Variants in FBXO25 observed in about 807,000 individuals in gnomAD.
FBXO25 encodes the protein F-box protein 25, also known as F-box only protein 25.
FBXO25 carries 45 observed loss-of-function variants against 51.9 expected under a neutral mutation model. The observed-to-expected ratio is 0.87, with a 90% CI of 0.68 to 1.11. FBXO25 has a LOEUF of 1.11. FBXO25 is among the 50% of genes most tolerant of loss of function. The pLI is 0.00. For missense variants in FBXO25, 507 were observed against 428.5 expected, an observed-to-expected ratio of 1.18 and a Z score of -1.62; for synonymous variants, 199 against 151.0, an observed-to-expected ratio of 1.32 and a Z score of -2.33.
In FBXO25 at chr8:428,498, C is replaced by G. The variant is rs138509465; in HGVS notation, c.135-2843C>G. Among the ~76,000 whole-genome samples the G allele has an allele frequency of 4.0e-3, 613 of 151,784 alleles. 6 individuals carry two copies. Among genetic ancestry groups the G allele is most frequent in the African/African-American group, 0.014 (589 of 41,340 alleles). The stretch of plus-strand genomic sequence containing the variant: ...AACAAGACAAGCTGCTACTTCCTCT[C>G]CTCTCTTGCACACTGTCTCTTTATC... On this transcript the variant is annotated intron_variant, in intron 2 of 9. Coordinates refer to ENST00000350302, the MANE Select transcript of FBXO25 (RefSeq NM_183420.2).
At chr8:462,135 T>G (rs1315937165) in intron 8 of FBXO25, among the ~76,000 whole-genome samples, 1 of 152,182 alleles carries the variant, frequency 6.6e-6, no homozygotes, top group Non-Finnish European at 1.5e-5. Flanking sequence ...GTCTCTTGAT[T>G]CTCCACCCCT....
intron 8 of FBXO25, among the ~76,000 whole-genome samples, chr8:459,059 A>T (rs1799638844): frequency 6.6e-6 from 1 of 152,102 alleles, no homozygotes; most frequent in Non-Finnish European, 1.5e-5. Flanking sequence ...TCACTCCTTG[A>T]GGCCTTTGCA....
chr8:422,172 T>C (rs1352087931), intron 2 of FBXO25, among the ~76,000 whole-genome samples: 1 of 152,156 alleles, frequency 6.6e-6, no homozygotes, highest in African/African-American at 2.4e-5. Flanking sequence ...TAGCTATTCA[T>C]TACAAAGGGA....
chr8:445,961 A>G (rs1798712941), intron 5 of FBXO25, among the ~76,000 whole-genome samples: 1 of 152,132 alleles, frequency 6.6e-6, no homozygotes, highest in African/African-American at 2.4e-5. Context: ...ATTATTCCTC[A>G]TCTCTGCTCC....
At chr8:431,875 C>G (rs1797838640) in intron 3 of FBXO25, among the ~76,000 whole-genome samples, 1 of 152,074 alleles carries the variant, frequency 6.6e-6, no homozygotes, top group South Asian at 2.1e-4. Context: ...GCATAGAGCT[C>G]TATCATGCAG....
rs1366265595 is a variant in FBXO25 at position 474,459 on chromosome 8, C to T, written c.*5655C>T. The T allele has an allele frequency of 9.8e-6, 3 of 307,184 alleles. No homozygotes were observed. Among genetic ancestry groups the T allele is most frequent in the Middle Eastern group, 1.1e-3 (1 of 880 alleles). 19.0% of individuals were successfully genotyped at this position (307,184 alleles called of 1,614,324 possible). ...CATATGGCAATCCTATGTTTAATTT[C>T]TTAGGGCACTGCCATAAGTGTTTTA... On this transcript the variant is annotated 3_prime_UTR_variant, in exon 10 of 10. Coordinates refer to ENST00000350302, the MANE Select transcript of FBXO25 (RefSeq NM_183420.2).
Position 474,710 on chromosome 8 carries a change from A to T in FBXO25, c.*5906A>T, listed in dbSNP as rs751456131. The T allele has an allele frequency of 4.4e-6, 2 of 454,766 alleles. No homozygotes were observed. The highest frequency in any genetic ancestry group is 4.0e-5 in the African/African-American group (2 of 49,924). The allele number at this position is 454,766 out of a possible 1,614,324, so 28.2% of individuals were successfully genotyped here. On this transcript the variant is annotated 3_prime_UTR_variant, in exon 10 of 10. Transcript: ENST00000350302. The stretch of plus-strand genomic sequence containing the variant: ...ATTTGGGCTCTTTGTCCATTTTTCA[A>T]TCAGGTGTGTGTTTTTATATGTTCT...
chr8:408,164 A>T (rs370935303), intron 1 of FBXO25, among the ~76,000 whole-genome samples: 4 of 152,200 alleles, frequency 2.6e-5, no homozygotes, highest in African/African-American at 9.6e-5. Context: ...TCCTTTCTGG[A>T]TCAAATTTGT....
rs1422733916 is a variant in FBXO25 at position 475,658 on chromosome 8, C to T, written c.*6854C>T. The T allele has an allele frequency of 6.6e-6, 1 of 152,070 alleles. No individual in the cohort carries two copies. Among genetic ancestry groups the T allele is most frequent in the Non-Finnish European group, 1.5e-5 (1 of 67,986 alleles). 9.4% of individuals were successfully genotyped at this position (152,070 alleles called of 1,614,324 possible). A position where few individuals can be genotyped will look rare whatever the true frequency, so the allele number is the denominator to read the frequency against. The stretch of plus-strand genomic sequence containing the variant: ...TCCTTAAGTTTATTCCTAAATATTT[C>T]AGTTTTTTTGTTACTATTATAATGG... On this transcript the variant is annotated 3_prime_UTR_variant, in exon 10 of 10. Transcript: ENST00000350302.
At chr8:468,643 C>T in intron 9 of FBXO25, 72 bp from the exon 10 acceptor site, 1 of 1,171,374 alleles carries the variant, frequency 8.5e-7, no homozygotes, top group Non-Finnish European at 1.3e-6. Flanking sequence ...CAGCTGACGA[C>T]CCCTCAAGCA....
At chr8:464,283 A>T (rs1197786971) in intron 9 of FBXO25, among the ~76,000 whole-genome samples, 1 of 152,178 alleles carries the variant, frequency 6.6e-6, no homozygotes, top group African/African-American at 2.4e-5. Context: ...TAACATGTTA[A>T]TATTATTTCA....
At chr8:423,961 T>G (rs1445553892) in intron 2 of FBXO25, among the ~76,000 whole-genome samples, 1 of 152,268 alleles carries the variant, frequency 6.6e-6, no homozygotes, top group African/African-American at 2.4e-5. Context: ...ATCTGTTGTC[T>G]TTGACTTTTT....
intron 5 of FBXO25, among the ~76,000 whole-genome samples, chr8:447,285 G>C (rs1585067576): frequency 6.6e-6 from 1 of 152,068 alleles, no homozygotes; most frequent in African/African-American, 2.4e-5. Context: ...GGAGAGAGTG[G>C]TGGAACTGGG....
rs1800578590 is a variant in FBXO25 at position 474,304 on chromosome 8, C to G, written c.*5500C>G. 1.6e-5 allele frequency: 3 copies of G among 184,482 alleles called. No individual in the cohort carries two copies. The highest frequency in any genetic ancestry group is 3.3e-5 in the Non-Finnish European group (3 of 89,924). 11.4% of individuals were successfully genotyped at this position (184,482 alleles called of 1,614,324 possible). Reference sequence around the variant, plus strand: ...TCAAGATTTCTTTTTAAGGCTGATTCTATGGATGGACCACATTTTGTTTGT... The same window carrying G: ...TCAAGATTTCTTTTTAAGGCTGATTGTATGGATGGACCACATTTTGTTTGT... On this transcript the variant is annotated 3_prime_UTR_variant, in exon 10 of 10. Transcript: ENST00000350302.
intron 2 of FBXO25, among the ~76,000 whole-genome samples, chr8:419,157 C>G (rs1796999390): frequency 6.6e-6 from 1 of 151,164 alleles, no homozygotes; most frequent in Admixed American, 6.6e-5. Flanking sequence ...GTCAGGAGTT[C>G]AAGACCAGCC....
chr8:468,934 C>T lies in FBXO25; in HGVS notation c.*130C>T, dbSNP rs555256515. ...CTTCCAGAAAGCCTGGGAAGAACTG[C>T]CCTTCTGCAAAGGGGGGACTGCATG... On this transcript the variant is annotated 3_prime_UTR_variant, in exon 10 of 10. Transcript: ENST00000350302. The T allele has an allele frequency of 5.0e-6, 4 of 797,234 alleles. No individual in the cohort carries two copies. Among genetic ancestry groups the T allele is most frequent in the East Asian group, 5.7e-5 (2 of 34,832 alleles). The allele number at this position is 797,234 out of a possible 1,614,324, so 49.4% of individuals were successfully genotyped here. A position where few individuals can be genotyped will look rare whatever the true frequency, so the allele number is the denominator to read the frequency against.
chr8:450,805 C>T (rs972067049), intron 6 of FBXO25: 2 of 153,050 alleles, frequency 1.3e-5, no homozygotes, highest in African/African-American at 4.8e-5. Context: ...GCATACAGTT[C>T]AGCGGCATTA....
At chr8:418,279 T>C (rs1796930318) in intron 2 of FBXO25, among the ~76,000 whole-genome samples, 1 of 152,028 alleles carries the variant, frequency 6.6e-6, no homozygotes, top group Non-Finnish European at 1.5e-5. Context: ...ACATTAGACA[T>C]TTTATTTCTT....
intron 5 of FBXO25, among the ~76,000 whole-genome samples, chr8:447,607 A>G (rs1798822692): frequency 6.6e-6 from 1 of 152,116 alleles, no homozygotes; most frequent in South Asian, 2.1e-4. Flanking sequence ...AGTGTTTTAG[A>G]TTTTGGATTT....
Sources: allele counts gnomAD v4.1 joint callset (sites outside exome capture counted in the v4.1 genomes callset), GRCh38; gene constraint gnomAD v4.1.1; transcripts MANE v1.5; gene names NCBI Gene and HGNC (gene_info 2026-07-23, HGNC 2026-07-21).